The following CSMD1 variants were observed in gnomAD, a reference collection of about 807,000 sequenced individuals.
CSMD1 encodes CUB and sushi domain-containing protein 1.
A neutral mutation model predicts 417.5 loss-of-function variants in CSMD1; 213 were observed. That is an observed-to-expected ratio of 0.51 (90% CI 0.46 to 0.57). The LOEUF (loss-of-function observed/expected upper bound fraction) is 0.57. Ranked by LOEUF, CSMD1 falls within the 20% of genes least tolerant of loss-of-function variation. CSMD1 has a pLI of 0.00. For missense variants in CSMD1, 6,923 were observed against 4,529.7 expected (o/e 1.53, Z -15.17); for synonymous variants, 2,862 against 1,736.8 (o/e 1.65, Z -16.11).
intron 8 of CSMD1, among the ~76,000 whole-genome samples, chr8:3,610,665 CAT>C (rs1801847311): frequency 6.6e-6 from 1 of 152,154 alleles, no homozygotes; most frequent in Non-Finnish European, 1.5e-5. Context: ...TTTCTTGTAA[CAT>C]AGCAAATATC....
At chr8:3,193,141 G>C (rs1248819862) in intron 33 of CSMD1, among the ~76,000 whole-genome samples, 1 of 152,096 alleles carries the variant, frequency 6.6e-6, no homozygotes, top group South Asian at 2.1e-4. Flanking sequence ...ATATTTGAGA[G>C]CTATGCAAAC....
intron 2 of CSMD1, among the ~76,000 whole-genome samples, chr8:4,579,297 C>G (rs1015500163): frequency 4.0e-5 from 6 of 150,384 alleles, no homozygotes; most frequent in Admixed American, 6.7e-5. Flanking sequence ...ATAAAAAATC[C>G]TCTTGCCAAT....
intron 5 of CSMD1, among the ~76,000 whole-genome samples, chr8:3,907,167 G>A (rs749281857): frequency 3.3e-5 from 5 of 152,006 alleles, no homozygotes; most frequent in African/African-American, 7.3e-5. Flanking sequence ...TACTTTAAAC[G>A]GCACACACGC....
intron 1 of CSMD1, among the ~76,000 whole-genome samples, chr8:4,857,840 G>C (rs1490503450): frequency 2.0e-5 from 3 of 151,808 alleles, no homozygotes; most frequent in African/African-American, 7.3e-5. Context: ...GAGGTACAAG[G>C]AGGAACTGGT....
chr8:3,454,719 G>A (rs981792076), intron 12 of CSMD1, among the ~76,000 whole-genome samples: 13 of 152,252 alleles, frequency 8.5e-5, no homozygotes, highest in Admixed American at 3.9e-4. Context: ...TGGGTAACCC[G>A]ACCTTTCTCT....
intron 41 of CSMD1, among the ~76,000 whole-genome samples, chr8:3,120,255 T>C (rs970510832): frequency 1.3e-5 from 2 of 152,084 alleles, no homozygotes; most frequent in African/African-American, 2.4e-5. Context: ...ACTCAGGGAT[T>C]AGATTTAAGA....
chr8:3,621,010 G>C (rs1316329883), intron 7 of CSMD1, among the ~76,000 whole-genome samples: 1 of 152,082 alleles, frequency 6.6e-6, no homozygotes, highest in African/African-American at 2.4e-5. Context: ...AATCCAACAT[G>C]ACTGGTGCCC....
At chr8:3,559,916 G>A (rs1799396798) in intron 10 of CSMD1, among the ~76,000 whole-genome samples, 1 of 152,156 alleles carries the variant, frequency 6.6e-6, no homozygotes, top group Admixed American at 6.5e-5. Context: ...TTCAAGAGGT[G>A]AAGGAATTAT....
At chr8:4,376,827 G>T (rs940252972) in intron 3 of CSMD1, among the ~76,000 whole-genome samples, 1 of 152,182 alleles carries the variant, frequency 6.6e-6, no homozygotes, top group African/African-American at 2.4e-5. Flanking sequence ...CCTCACCCCT[G>T]TGATTTTGTC....
chr8:3,972,508 T>G (rs552693011), intron 5 of CSMD1, among the ~76,000 whole-genome samples: 21 of 152,314 alleles, frequency 1.4e-4, no homozygotes, highest in Admixed American at 1.2e-3. Flanking sequence ...CCTCTGTCAT[T>G]CTTTAGGAAT....
intron 50 of CSMD1, among the ~76,000 whole-genome samples, chr8:3,031,837 G>A (rs948737355): frequency 1.3e-5 from 2 of 148,748 alleles, no homozygotes; most frequent in Admixed American, 6.8e-5. Context: ...ATTATCTTAG[G>A]CTAGTTTGAT....
At chr8:3,354,040 A>G (rs1324829673) in intron 21 of CSMD1, among the ~76,000 whole-genome samples, 1 of 152,230 alleles carries the variant, frequency 6.6e-6, no homozygotes, top group East Asian at 1.9e-4. Context: ...GGAAGCCCCA[A>G]ATCCATAGCA....
chr8:4,830,056 G>C (rs1260583583), intron 1 of CSMD1, among the ~76,000 whole-genome samples: 2 of 152,158 alleles, frequency 1.3e-5, no homozygotes. Context: ...ACTTATACCT[G>C]TGCACGTCCT....
chr8:2,939,080 T>G (rs1160190262), intron 69 of CSMD1, among the ~76,000 whole-genome samples: 2 of 152,228 alleles, frequency 1.3e-5, no homozygotes, highest in African/African-American at 4.8e-5. Context: ...TCCTCCCACC[T>G]CAGCCTCCTG....
chr8:4,470,533 G>C (rs190042781), intron 2 of CSMD1, among the ~76,000 whole-genome samples: 1 of 152,172 alleles, frequency 6.6e-6, no homozygotes, highest in Non-Finnish European at 1.5e-5. Flanking sequence ...AATGAACTCA[G>C]ACAAAAATGA....
intron 3 of CSMD1, among the ~76,000 whole-genome samples, chr8:4,372,883 C>T (rs1236491347): frequency 2.0e-5 from 3 of 152,124 alleles, no homozygotes; most frequent in African/African-American, 7.2e-5. Context: ...AAATATAGCC[C>T]TCAAGAAGGC....
At chr8:3,709,851 G>C (rs866003663) in intron 6 of CSMD1, among the ~76,000 whole-genome samples, 3 of 65,958 alleles carry the variant, frequency 4.5e-5, no homozygotes, top group African/African-American at 9.2e-5. Flanking sequence ...GTGTGTGTAC[G>C]TGTGTGTGTG....
At chr8:3,845,716 T>G (rs983331880) in intron 5 of CSMD1, among the ~76,000 whole-genome samples, 47 of 152,230 alleles carry the variant, frequency 3.1e-4, no homozygotes, top group African/African-American at 1.0e-3. Flanking sequence ...ATAAAGTTTT[T>G]GATTTTTCAT....
chr8:3,838,627 A>C (rs1438917956), intron 5 of CSMD1, among the ~76,000 whole-genome samples: 3 of 132,654 alleles, frequency 2.3e-5, no homozygotes, highest in African/African-American at 8.5e-5. Flanking sequence ...AAATAAATTA[A>C]TATATAATAA....
Sources: gnomAD v4.1 joint callset for allele counts (sites outside exome capture counted in the v4.1 genomes callset) on GRCh38, gnomAD v4.1.1 for gene constraint, MANE v1.5 for transcripts, NCBI Gene and HGNC (gene_info 2026-07-23, HGNC 2026-07-21) for gene names.